The following TBC1D5 variants were observed in gnomAD, a reference collection of about 807,000 sequenced individuals.
TBC1D5 encodes TBC1 domain family, member 5.
A neutral mutation model predicts 100.3 loss-of-function variants in TBC1D5; 75 were observed. The observed-to-expected ratio is 0.75, with a 90% CI of 0.62 to 0.91. The LOEUF (loss-of-function observed/expected upper bound fraction) is 0.91, where lower values mean the gene tolerates loss of function less well. Among genes scored for constraint, TBC1D5 ranks in the 40% least tolerant of loss-of-function variants. The pLI, the probability that TBC1D5 is intolerant of heterozygous loss-of-function variation, is 0.00. For missense variants in TBC1D5, 910 were observed against 942.4 expected, an observed-to-expected ratio of 0.97 and a Z score of 0.45; for synonymous variants, 323 against 325.6, an observed-to-expected ratio of 0.99 and a Z score of 0.09.
chr3:17,690,116 G>T (rs988463929), intron 1 of TBC1D5, among the ~76,000 whole-genome samples: 1 of 151,778 alleles, frequency 6.6e-6, no homozygotes, highest in African/African-American at 2.4e-5. Context: ...GATTGTGATG[G>T]CCTATACAAG....
intron 19 of TBC1D5, among the ~76,000 whole-genome samples, chr3:17,176,857 C>A (rs537989519): frequency 6.6e-6 from 1 of 151,150 alleles, no homozygotes; most frequent in African/African-American, 2.4e-5. Flanking sequence ...AGAAAAGTCT[C>A]TTCCTTACTG....
chr3:17,225,392 G>C (rs2074750125), intron 17 of TBC1D5, among the ~76,000 whole-genome samples: 1 of 145,716 alleles, frequency 6.9e-6, no homozygotes, highest in South Asian at 2.2e-4. Flanking sequence ...TGAGCTGGGA[G>C]TGCATCACTG....
At chr3:17,438,598 C>A (rs1031379281) in intron 3 of TBC1D5, among the ~76,000 whole-genome samples, 15 of 152,206 alleles carry the variant, frequency 9.9e-5, no homozygotes, top group Non-Finnish European at 1.6e-4. Flanking sequence ...TTCCTGAGGC[C>A]TCCCAAGCCA....
At chr3:17,324,733 C>T (rs2085874139) in intron 13 of TBC1D5, among the ~76,000 whole-genome samples, 1 of 151,948 alleles carries the variant, frequency 6.6e-6, no homozygotes, top group African/African-American at 2.4e-5. Flanking sequence ...CTTGAATATA[C>T]AAAGATCTCT....
chr3:17,574,010 G>A (rs2096642768), intron 2 of TBC1D5, among the ~76,000 whole-genome samples: 2 of 151,936 alleles, frequency 1.3e-5, no homozygotes, highest in South Asian at 4.2e-4. Context: ...GGGGAAAAGA[G>A]AGCCCTTTAG....
At chr3:17,678,732 A>G (rs1458311399) in intron 1 of TBC1D5, among the ~76,000 whole-genome samples, 2 of 150,430 alleles carry the variant, frequency 1.3e-5, no homozygotes, top group African/African-American at 5.0e-5. Flanking sequence ...ACTGAAAGAC[A>G]TTTGCTCTTA....
intron 3 of TBC1D5, among the ~76,000 whole-genome samples, chr3:17,457,395 G>C (rs1343632611): frequency 6.6e-6 from 1 of 151,956 alleles, no homozygotes; most frequent in Non-Finnish European, 1.5e-5. Flanking sequence ...TTGTGTTTCA[G>C]TCTGGGTGAT....
At chr3:17,356,633 TATTATTGTGAAAACTTAGA>T (rs1389389712) in intron 13 of TBC1D5, among the ~76,000 whole-genome samples, 7 of 152,200 alleles carry the variant, frequency 4.6e-5, no homozygotes, top group Admixed American at 6.5e-5. Flanking sequence ...CTTAAATTTC[TATTATTGTGAAAACTTAGA>T]AATCTAAGAA....
At chr3:17,725,668 T>C (rs984244487) in intron 1 of TBC1D5, among the ~76,000 whole-genome samples, 17 of 152,142 alleles carry the variant, frequency 1.1e-4, no homozygotes, top group African/African-American at 3.1e-4. Context: ...ATACTCTGCT[T>C]CTCTCTCTGA....
intron 8 of TBC1D5, among the ~76,000 whole-genome samples, chr3:17,385,702 T>C (rs945063804): frequency 2.0e-5 from 3 of 152,018 alleles, no homozygotes; most frequent in Non-Finnish European, 4.4e-5. Flanking sequence ...GTTTTTTTTT[T>C]CCTACCTTTT....
At chr3:17,201,907 T>C (rs923773204) in intron 18 of TBC1D5, among the ~76,000 whole-genome samples, 13 of 152,186 alleles carry the variant, frequency 8.5e-5, no homozygotes, top group East Asian at 1.9e-4. Context: ...AATGGACTAA[T>C]ACAGAAAATT....
At chr3:17,668,332 G>C (rs543471594) in intron 1 of TBC1D5, among the ~76,000 whole-genome samples, 1 of 151,678 alleles carries the variant, frequency 6.6e-6, no homozygotes, top group South Asian at 2.1e-4. Flanking sequence ...CTTAATACCC[G>C]CTTAGATTTT....
At chr3:17,565,287 C>T (rs2096586460) in intron 2 of TBC1D5, among the ~76,000 whole-genome samples, 1 of 152,052 alleles carries the variant, frequency 6.6e-6, no homozygotes, top group Admixed American at 6.6e-5. Context: ...GTTTAAAGTC[C>T]TTAAGGAGTA....
At chr3:17,428,331 CCTTA>C in intron 4 of TBC1D5, 115 bp downstream of exon 4, 1 of 284,956 alleles carries the variant, frequency 3.5e-6, no homozygotes, top group East Asian at 8.9e-5. Context: ...AGTAGTGGTT[CCTTA>C]CTATTCTAGA....
At chr3:17,386,132 A>T (rs2093143465) in intron 8 of TBC1D5, among the ~76,000 whole-genome samples, 1 of 152,102 alleles carries the variant, frequency 6.6e-6, no homozygotes, top group South Asian at 2.1e-4. Flanking sequence ...CGAATAGAAT[A>T]ATACTTTTGA....
intron 2 of TBC1D5, among the ~76,000 whole-genome samples, chr3:17,550,548 C>CAA (rs796439520): frequency 7.2e-6 from 1 of 139,428 alleles, no homozygotes; most frequent in African/African-American, 2.6e-5. Context: ...ACAACAACAA[C>CAA]AAAAAAAAAA....
At chr3:17,168,865 C>G (rs552355909) in intron 19 of TBC1D5, among the ~76,000 whole-genome samples, 3 of 152,200 alleles carry the variant, frequency 2.0e-5, no homozygotes, top group African/African-American at 7.2e-5. Context: ...CCAGTTGCTA[C>G]GGGACTCCTA....
intron 13 of TBC1D5, chr3:17,337,640 A>C (rs773348958): frequency 1.3e-5 from 2 of 152,194 alleles, no homozygotes; most frequent in Non-Finnish European, 2.9e-5. Flanking sequence ...AAGCATCCTA[A>C]TTAAGACAAA....
exon 10 of TBC1D5, chr3:17,376,591 G>C (rs2092719546): frequency 6.2e-7 from 1 of 1,612,746 alleles, no homozygotes; most frequent in Non-Finnish European, 8.5e-7. Context: ...AAAGACTATA[G>C]GTGCTAACAG....
Sources: gnomAD v4.1 joint callset for allele counts (sites outside exome capture counted in the v4.1 genomes callset) on GRCh38, gnomAD v4.1.1 for gene constraint, MANE v1.5 for transcripts, NCBI Gene and HGNC (gene_info 2026-07-23, HGNC 2026-07-21) for gene names.